The following LHFPL3 variants were observed in gnomAD, a reference collection of about 807,000 sequenced individuals.
LHFPL3 encodes LHFPL tetraspan subfamily member 3, also known as LHFPL tetraspan subfamily member 3 protein.
Under a neutral mutation model 19.3 loss-of-function variants are expected in LHFPL3, and 5 were observed. That is an observed-to-expected ratio of 0.26 (90% CI 0.14 to 0.54). The LOEUF (loss-of-function observed/expected upper bound fraction) is 0.54, where lower values mean the gene tolerates loss of function less well. Among genes scored for constraint, LHFPL3 ranks in the 20% least tolerant of loss-of-function variants. The probability of loss-of-function intolerance (pLI) is 0.94; values close to 1 mark genes in which losing one functional copy is unlikely to be tolerated. For missense variants in LHFPL3, 249 were observed against 307.4 expected (o/e 0.81, Z 1.42); for synonymous variants, 133 against 126.2 (o/e 1.05, Z -0.36).
intron 1 of LHFPL3, among the ~76,000 whole-genome samples, chr7:104,692,375 C>T (rs983503547): frequency 6.6e-6 from 1 of 152,090 alleles, no homozygotes; most frequent in Non-Finnish European, 1.5e-5. Context: ...AAATTGTCTC[C>T]AGCGCATGTC....
chr7:104,456,996 C>T (rs1040231450), intron 1 of LHFPL3, among the ~76,000 whole-genome samples: 9 of 152,162 alleles, frequency 5.9e-5, no homozygotes, highest in Non-Finnish European at 1.2e-4. Flanking sequence ...GACTGTTGTA[C>T]ATTCCAATAT....
intron 2 of LHFPL3, among the ~76,000 whole-genome samples, chr7:104,903,462 C>CA (rs750498741): frequency 3.2e-5 from 4 of 126,746 alleles, no homozygotes; most frequent in African/African-American, 1.3e-4. Flanking sequence ...TCTAGTTATA[C>CA]TTTTTTTTTT....
At chr7:104,750,939 T>C (rs1794155917) in intron 2 of LHFPL3, among the ~76,000 whole-genome samples, 1 of 151,644 alleles carries the variant, frequency 6.6e-6, no homozygotes, top group East Asian at 1.9e-4. Context: ...TGGACATAAG[T>C]CAGGTGGCTC....
At chr7:104,610,107 G>A (rs1323213042) in intron 1 of LHFPL3, among the ~76,000 whole-genome samples, 1 of 152,114 alleles carries the variant, frequency 6.6e-6, no homozygotes, top group African/African-American at 2.4e-5. Context: ...AGTTGGTTGT[G>A]TAGCTATTTT....
chr7:104,689,566 C>CT (rs1187099093), intron 1 of LHFPL3, among the ~76,000 whole-genome samples: 1 of 152,170 alleles, frequency 6.6e-6, no homozygotes, highest in Non-Finnish European at 1.5e-5. Flanking sequence ...ACTGGGTCCC[C>CT]TTAAGGAGGG....
intron 2 of LHFPL3, among the ~76,000 whole-genome samples, chr7:104,815,960 C>G (rs1414087867): frequency 1.3e-5 from 2 of 152,098 alleles, no homozygotes; most frequent in African/African-American, 4.8e-5. Flanking sequence ...GAATGACAGA[C>G]CAAACCCCTC....
At chr7:104,805,574 C>A (rs977727098) in intron 2 of LHFPL3, among the ~76,000 whole-genome samples, 2 of 152,180 alleles carry the variant, frequency 1.3e-5, no homozygotes, top group African/African-American at 4.8e-5. Context: ...TCGTTCACCC[C>A]TTCCAGGGTG....
At chr7:104,788,411 C>G (rs1789963692) in intron 2 of LHFPL3, among the ~76,000 whole-genome samples, 1 of 152,198 alleles carries the variant, frequency 6.6e-6, no homozygotes, top group Non-Finnish European at 1.5e-5. Flanking sequence ...TCTTCACACA[C>G]CATTTCACAC....
chr7:104,899,509 T>C (rs1361243502), intron 2 of LHFPL3, among the ~76,000 whole-genome samples: 1 of 151,958 alleles, frequency 6.6e-6, no homozygotes, highest in Admixed American at 6.6e-5. Context: ...AAGGACAGAA[T>C]CAAGAAACGG....
chr7:104,759,333 T>C (rs2116365907), intron 2 of LHFPL3, among the ~76,000 whole-genome samples: 1 of 152,284 alleles, frequency 6.6e-6, no homozygotes, highest in South Asian at 2.1e-4. Context: ...GAGCCACATA[T>C]GTGCTTATAC....
chr7:104,672,706 A>G (rs1239160793), intron 1 of LHFPL3, among the ~76,000 whole-genome samples: 2 of 152,104 alleles, frequency 1.3e-5, no homozygotes, highest in Admixed American at 6.5e-5. Flanking sequence ...TTGAATCACA[A>G]CTTAATCTAG....
At chr7:104,477,833 A>T (rs1793053980) in intron 1 of LHFPL3, among the ~76,000 whole-genome samples, 1 of 152,216 alleles carries the variant, frequency 6.6e-6, no homozygotes, top group African/African-American at 2.4e-5. Context: ...GAAAAGTTTC[A>T]CTGAGGAAGT....
intron 1 of LHFPL3, among the ~76,000 whole-genome samples, chr7:104,622,748 A>G (rs1231329048): frequency 1.3e-5 from 2 of 152,204 alleles, no homozygotes; most frequent in South Asian, 2.1e-4. Flanking sequence ...AGGGTCATAA[A>G]TGTTACAAAT....
intron 2 of LHFPL3, among the ~76,000 whole-genome samples, chr7:104,870,616 C>A (rs1584588346): frequency 6.6e-6 from 1 of 152,106 alleles, no homozygotes; most frequent in African/African-American, 2.4e-5. Context: ...GAAAACTTTC[C>A]CACCCAAAAA....
At chr7:104,584,755 A>C (rs952885147) in intron 1 of LHFPL3, among the ~76,000 whole-genome samples, 1 of 152,162 alleles carries the variant, frequency 6.6e-6, no homozygotes, top group African/African-American at 2.4e-5. Context: ...AGTAAAACCC[A>C]TAAGTCGTCA....
intron 1 of LHFPL3, among the ~76,000 whole-genome samples, chr7:104,615,343 A>G (rs1231352194): frequency 6.6e-6 from 1 of 152,230 alleles, no homozygotes; most frequent in Non-Finnish European, 1.5e-5. Flanking sequence ...TAAAGCATTA[A>G]CAATCGCTCC....
At chr7:104,561,381 A>C (rs763805118) in intron 1 of LHFPL3, among the ~76,000 whole-genome samples, 13 of 150,192 alleles carry the variant, frequency 8.7e-5, no homozygotes, top group Non-Finnish European at 1.8e-4. Context: ...TTGGGTGCAT[A>C]TATATTTAGG....
intron 1 of LHFPL3, among the ~76,000 whole-genome samples, chr7:104,491,235 G>T (rs78113228): frequency 1.3e-5 from 2 of 152,010 alleles, no homozygotes; most frequent in Non-Finnish European, 2.9e-5. Context: ...AGGAATTCTG[G>T]TCATTTCCCT....
chr7:104,607,350 C>T (rs958401873), intron 1 of LHFPL3, among the ~76,000 whole-genome samples: 3 of 152,224 alleles, frequency 2.0e-5, no homozygotes, highest in Non-Finnish European at 2.9e-5. Context: ...TCACAGAGGA[C>T]TGCACAAGTG....
Sources: gnomAD v4.1 joint callset for allele counts (sites outside exome capture counted in the v4.1 genomes callset) on GRCh38, gnomAD v4.1.1 for gene constraint, MANE v1.5 for transcripts, NCBI Gene and HGNC (gene_info 2026-07-23, HGNC 2026-07-21) for gene names.